NELL1: variants seen among roughly 807,000 people sequenced by gnomAD.
NELL1 encodes protein kinase C-binding protein NELL1.
NELL1 carries 76 observed loss-of-function variants against 107.4 expected under a neutral mutation model. The ratio of observed to expected loss-of-function variants is 0.71; its 90% CI spans 0.59 to 0.86. The LOEUF is 0.86. NELL1 is among the 40% of genes least tolerant of loss of function. The pLI is 0.00. For synonymous variants in NELL1, 353 were observed against 341.2 expected, an observed-to-expected ratio of 1.03 and a Z score of -0.38; for missense variants, 1,024 against 1,005.5, an observed-to-expected ratio of 1.02 and a Z score of -0.25.
At chr11:21,026,602 G>A (rs78677184) in intron 12 of NELL1, among the ~76,000 whole-genome samples, 2,095 of 152,178 alleles carry the variant, frequency 0.014, 43 homozygotes, top group African/African-American at 0.047. Flanking sequence ...TGCCTGTTGC[G>A]TTGGTTGTCC....
chr11:21,462,655 G>A lies in NELL1; in HGVS notation c.1646-71719G>A, dbSNP rs182469456. Reference sequence around the variant, plus strand: ...GGGTTGATTTACTGGCCTCATACAGGTTTCTCTTTGAACCCTTGTTCATCC... The same window carrying A: ...GGGTTGATTTACTGGCCTCATACAGATTTCTCTTTGAACCCTTGTTCATCC... On this transcript the variant is annotated intron_variant, in intron 15 of 19. Coordinates refer to ENST00000357134, the MANE Select transcript of NELL1 (RefSeq NM_006157.5). Among the ~76,000 whole-genome samples, 125 of 152,122 alleles carry A rather than the reference G, an allele frequency of 8.2e-4. No homozygotes were observed. In the East Asian group the frequency reaches 0.016, roughly 20 times the overall value.
In NELL1 at chr11:21,410,751, G is replaced by A. The variant is rs370547786; in HGVS notation, c.1645+39803G>A. On this transcript the variant is annotated intron_variant, in intron 15 of 19. Coordinates refer to ENST00000357134, the MANE Select transcript of NELL1 (RefSeq NM_006157.5). ...TCAGTGGAGAGAATATTTGATACAA[G>A]GTTGCCTGCCATGAAGTCTCTGTGG... Among the ~76,000 whole-genome samples, 205 of 152,092 alleles carry A rather than the reference G, an allele frequency of 1.3e-3. 4 individuals are homozygous for A. The South Asian group carries it at 0.037, about 27-fold the overall frequency.
At chr11:20,863,953 C>T (rs1406118186) in intron 4 of NELL1, among the ~76,000 whole-genome samples, 3 of 152,092 alleles carry the variant, frequency 2.0e-5, no homozygotes, top group Non-Finnish European at 4.4e-5. Context: ...CAAAAAAATA[C>T]GAAAACCAGT....
intron 4 of NELL1, among the ~76,000 whole-genome samples, chr11:20,863,063 T>A (rs921772627): frequency 1.3e-5 from 2 of 152,174 alleles, no homozygotes; most frequent in Non-Finnish European, 2.9e-5. Context: ...CCCTTTTCTA[T>A]TTCACAAAAA....
At chr11:21,033,184 C>G (rs1277305288) in intron 12 of NELL1, among the ~76,000 whole-genome samples, 2 of 151,962 alleles carry the variant, frequency 1.3e-5, no homozygotes, top group East Asian at 3.9e-4. Context: ...ATGATTTATC[C>G]AGGTGTGGGT....
chr11:20,865,505 C>A (rs979036798), intron 4 of NELL1, among the ~76,000 whole-genome samples: 1 of 152,170 alleles, frequency 6.6e-6, no homozygotes, highest in African/African-American at 2.4e-5. Flanking sequence ...TCTACTGTGT[C>A]TGAGCAGGCT....
chr11:21,534,168 A>G (rs1465020841), intron 15 of NELL1, among the ~76,000 whole-genome samples: 2 of 152,210 alleles, frequency 1.3e-5, no homozygotes, highest in Non-Finnish European at 2.9e-5. Context: ...TCATTGTTCA[A>G]TATGAGAGAA....
chr11:20,784,044 T>C (rs1856905207), intron 3 of NELL1, among the ~76,000 whole-genome samples: 2 of 152,252 alleles, frequency 1.3e-5, no homozygotes, highest in African/African-American at 2.4e-5. Flanking sequence ...ATGAGTATCT[T>C]TCTCGTCTGT....
rs1457592923 is a variant in NELL1 at position 21,080,144 on chromosome 11, T to C, written c.1301-33445T>C. On this transcript the variant is annotated intron_variant, in intron 12 of 19. Coordinates refer to ENST00000357134, the MANE Select transcript of NELL1 (RefSeq NM_006157.5). ...CCTCAATGAATTCCCATTATATTCC[T>C]ATACCTTTAAAGTATTTGTCTATGT... 2.6e-5 allele frequency among the ~76,000 whole-genome samples: 4 copies of C among 152,104 alleles called. No homozygotes were observed. In the South Asian group the frequency reaches 6.2e-4, roughly 24 times the overall value.
chr11:21,289,955 G>C (rs1316798025), intron 14 of NELL1, among the ~76,000 whole-genome samples: 1 of 152,150 alleles, frequency 6.6e-6, no homozygotes. Context: ...CCTCCTCTCT[G>C]GGAGTAGCAT....
intron 15 of NELL1, among the ~76,000 whole-genome samples, chr11:21,515,472 G>A (rs949857561): frequency 1.3e-5 from 2 of 152,078 alleles, no homozygotes; most frequent in African/African-American, 4.8e-5. Context: ...CCATCCCCCA[G>A]TACCTGAATA....
At chr11:21,512,033 G>T (rs554811907) in intron 15 of NELL1, among the ~76,000 whole-genome samples, 1 of 152,148 alleles carries the variant, frequency 6.6e-6, no homozygotes, top group Non-Finnish European at 1.5e-5. Flanking sequence ...TGCCTATTTG[G>T]TGCCACCTGG....
chr11:20,755,558 T>TTTATTTTTTTATTTA (rs1856253526), intron 2 of NELL1, among the ~76,000 whole-genome samples: 2 of 16,432 alleles, frequency 1.2e-4, no homozygotes, highest in Non-Finnish European at 4.9e-4. Context: ...TTGTTTTTGT[T>TTTATTTTTTTATTTA]TTTGTTTTTT....
intron 14 of NELL1, among the ~76,000 whole-genome samples, chr11:21,272,001 C>T (rs191018453): frequency 1.3e-3 from 194 of 144,742 alleles, no homozygotes; most frequent in Non-Finnish European, 2.1e-3. Flanking sequence ...GTGATTTCTG[C>T]ATTTCCAACT....
chr11:21,203,537 C>T (rs1242681659), intron 13 of NELL1, among the ~76,000 whole-genome samples: 2 of 149,160 alleles, frequency 1.3e-5, no homozygotes, highest in African/African-American at 5.0e-5. Context: ...CTCCTGAATA[C>T]AGCACACTGA....
intron 4 of NELL1, among the ~76,000 whole-genome samples, chr11:20,849,350 T>G (rs1410164179): frequency 6.6e-6 from 1 of 152,222 alleles, no homozygotes; most frequent in African/African-American, 2.4e-5. Flanking sequence ...CTGGAGCAGT[T>G]CTTAGGTGGT....
chr11:21,030,325 G>A (rs1355313369), intron 12 of NELL1, among the ~76,000 whole-genome samples: 8 of 152,180 alleles, frequency 5.3e-5, no homozygotes, highest in Non-Finnish European at 1.5e-5. Flanking sequence ...TGGGTAGTTT[G>A]CACTTTTTGA....
intron 4 of NELL1, among the ~76,000 whole-genome samples, chr11:20,881,233 C>G (rs1250670793): frequency 1.3e-5 from 2 of 152,164 alleles, no homozygotes; most frequent in Non-Finnish European, 2.9e-5. Context: ...AGCAGGACAT[C>G]CCAGGATATA....
intron 12 of NELL1, among the ~76,000 whole-genome samples, chr11:21,011,630 T>C (rs1219869764): frequency 6.6e-6 from 1 of 152,196 alleles, no homozygotes; most frequent in Non-Finnish European, 1.5e-5. Context: ...GAATGTCGGC[T>C]GATTACACTC....
Sources: allele counts gnomAD v4.1 joint callset (sites outside exome capture counted in the v4.1 genomes callset), GRCh38; gene constraint gnomAD v4.1.1; transcripts MANE v1.5; gene names NCBI Gene and HGNC (gene_info 2026-07-23, HGNC 2026-07-21).